The following CCND3 variants were observed in gnomAD, a reference collection of about 807,000 sequenced individuals.
The protein encoded by CCND3 is G1/S-specific cyclin-D3.
CCND3 carries 9 observed loss-of-function variants against 28.7 expected under a neutral mutation model. The ratio of observed to expected loss-of-function variants is 0.31; its 90% CI spans 0.19 to 0.55. The LOEUF is 0.55. Among genes scored for constraint, CCND3 ranks in the 20% least tolerant of loss-of-function variants. The pLI is 0.93. For synonymous variants in CCND3, 164 were observed against 163.9 expected (o/e 1.00, Z 0.00); for missense variants, 315 against 385.8 (o/e 0.82, Z 1.54).
chr6:41,976,430 TG>T (rs753966252), intron 1 of CCND3, among the ~76,000 whole-genome samples: 1 of 151,980 alleles, frequency 6.6e-6, no homozygotes, highest in Non-Finnish European at 1.5e-5. Flanking sequence ...GATAGGAGGA[TG>T]GCTTGAGCCC....
chr6:42,044,173 G>A (rs973461210), intron 1 of CCND3, among the ~76,000 whole-genome samples: 7 of 152,260 alleles, frequency 4.6e-5, no homozygotes, highest in Admixed American at 6.5e-5. Flanking sequence ...CCGCAGAGGC[G>A]GAGGCCTGCA....
At chr6:42,010,396 G>T (rs1763306959) in intron 1 of CCND3, among the ~76,000 whole-genome samples, 1 of 152,184 alleles carries the variant, frequency 6.6e-6, no homozygotes, top group African/African-American at 2.4e-5. Flanking sequence ...GGGAGGAAAT[G>T]GGATGTGGCT....
chr6:41,936,813 A>G lies in CCND3; in HGVS notation c.575-118T>C. 9.4e-7 allele frequency: 1 copy of G among 1,064,030 alleles called. No homozygotes were observed. Among genetic ancestry groups the G allele is most frequent in the Non-Finnish European group, 1.4e-6 (1 of 735,486 alleles). The allele number at this position is 1,064,030 out of a possible 1,614,324, so 65.9% of individuals were successfully genotyped here. A position where few individuals can be genotyped will look rare whatever the true frequency, so the allele number is the denominator to read the frequency against. On this transcript the variant is annotated intron_variant, in intron 3 of 4. Transcript: ENST00000372991. The surrounding 1 kb of genome is among the most constrained non-coding windows in gnomAD (Gnocchi z 4.4). ...ATGAGTAGAGCAGAGGACATGCTGG[A>G]AAACTCCAGCAGTGGGTGGGGCAAG...
At chr6:42,006,444 G>A (rs1017442552) in intron 1 of CCND3, among the ~76,000 whole-genome samples, 31 of 151,860 alleles carry the variant, frequency 2.0e-4, no homozygotes, top group Admixed American at 1.3e-3. Context: ...TCAGGAGTAG[G>A]GCAAGGATGC....
At position 42,048,335 on chromosome 6, in the gene CCND3, C is replaced by T; in HGVS notation, c.-46+166G>A. 8.9e-6 allele frequency: 3 copies of T among 337,140 alleles called. No individual in the cohort carries two copies. The highest frequency in any genetic ancestry group is 1.8e-5 in the Non-Finnish European group (3 of 170,194). 20.9% of individuals were successfully genotyped at this position (337,140 alleles called of 1,614,324 possible). A position where few individuals can be genotyped will look rare whatever the true frequency, so the allele number is the denominator to read the frequency against. ...GGTTTCTCTGCCCTTCAATTCCGTG[C>T]AGAACACCTCACTCAGTGGGAAAGT... On this transcript the variant is annotated intron_variant, in intron 1 of 4. Coordinates refer to the CCND3 transcript ENST00000372988. This position sits in a 1 kb window ranked among gnomAD's most constrained non-coding sequence, Gnocchi z 4.7.
intron 1 of CCND3, among the ~76,000 whole-genome samples, chr6:41,999,594 C>A (rs1762927069): frequency 1.3e-5 from 2 of 152,140 alleles, no homozygotes; most frequent in South Asian, 4.2e-4. Flanking sequence ...AACAAAGGTA[C>A]AAAATACATA....
chr6:41,979,799 T>C (rs1762288493), intron 1 of CCND3, among the ~76,000 whole-genome samples: 1 of 151,810 alleles, frequency 6.6e-6, no homozygotes, highest in African/African-American at 2.4e-5. Context: ...GAGAAACTTT[T>C]ATTTTTTTTG....
chr6:42,016,593 CT>C lies in CCND3; in HGVS notation c.-46+31907del, dbSNP rs377188844. Among the ~76,000 whole-genome samples, 164 of 138,552 alleles carry C rather than the reference CT, an allele frequency of 1.2e-3. 2 individuals carry two copies. In the Middle Eastern group the frequency reaches 0.023, roughly 19 times the overall value. The allele number at this position is 138,552 out of a possible 152,430, so 90.9% of individuals were successfully genotyped here. On this transcript the variant is annotated intron_variant, in intron 1 of 4. Coordinates refer to the CCND3 transcript ENST00000372988. Reference sequence around the variant, plus strand: ...TGTTAGCTGCTATTACTATCTATTACTTTTTTTTTTTTTTTTTGAGACGGAG... The same window carrying C: ...TGTTAGCTGCTATTACTATCTATTACTTTTTTTTTTTTTTTTGAGACGGAG...
Position 41,951,573 on chromosome 6 carries a change from CACAAAA to C in CCND3, c.-45-10994_-45-10989del, listed in dbSNP as rs1776317367. Among the ~76,000 whole-genome samples, 3 of 71,258 alleles carry C rather than the reference CACAAAA, an allele frequency of 4.2e-5. No homozygotes were observed. In the South Asian group the frequency reaches 1.9e-3, roughly 46 times the overall value. The allele number at this position is 71,258 out of a possible 152,430, so 46.7% of individuals were successfully genotyped here. On this transcript the variant is annotated intron_variant, in intron 1 of 4. Coordinates refer to the CCND3 transcript ENST00000372988. ...ACACACACACACACACACACACACACACAAAAAAAAAGATTAAGTGGGAGTAAGAAG... is the reference window on the plus strand; with the variant it reads ...ACACACACACACACACACACACACACAAAAAGATTAAGTGGGAGTAAGAAG...
At chr6:41,970,363 T>A (rs886962277) in intron 1 of CCND3, among the ~76,000 whole-genome samples, 1 of 151,786 alleles carries the variant, frequency 6.6e-6, no homozygotes, top group South Asian at 2.1e-4. Context: ...ATAAAATAAA[T>A]AAAATAAAAA....
chr6:41,945,739 G>T (rs1776151086), upstream of CCND3, among the ~76,000 whole-genome samples: 1 of 152,190 alleles, frequency 6.6e-6, no homozygotes, highest in Non-Finnish European at 1.5e-5. Flanking sequence ...GACTTTGAGA[G>T]AATTACTGGA....
chr6:41,987,642 ACAGGTGTGTACCACCATACT>A (rs1266579399), intron 1 of CCND3, among the ~76,000 whole-genome samples: 1 of 150,680 alleles, frequency 6.6e-6, no homozygotes, highest in Non-Finnish European at 1.5e-5. Context: ...AGCTGGGACT[ACAGGTGTGTACCACCATACT>A]CAGCTAATTT....
intron 1 of CCND3, among the ~76,000 whole-genome samples, chr6:41,959,160 C>T (rs959406980): frequency 2.0e-5 from 3 of 151,972 alleles, no homozygotes; most frequent in African/African-American, 7.3e-5. Context: ...ACTAAAAATA[C>T]GAAATTAGCT....
chr6:41,995,020 C>T (rs1461054722), intron 1 of CCND3, among the ~76,000 whole-genome samples: 1 of 151,744 alleles, frequency 6.6e-6, no homozygotes, highest in Non-Finnish European at 1.5e-5. Context: ...TGCAGTCAGC[C>T]GAGATCGTGC....
chr6:41,990,660 ATTT>A (rs67939325), intron 1 of CCND3, among the ~76,000 whole-genome samples: 5 of 121,276 alleles, frequency 4.1e-5, no homozygotes, highest in African/African-American at 6.3e-5. Context: ...TAACCAACTG[ATTT>A]TTTTTTTTTT....
intron 1 of CCND3, among the ~76,000 whole-genome samples, chr6:41,968,354 A>G (rs964735540): frequency 1.3e-5 from 2 of 152,336 alleles, no homozygotes; most frequent in East Asian, 3.9e-4. Context: ...TTTATAATCA[A>G]TCATGCTAGA....
chr6:42,040,156 G>A (rs1465157344), intron 1 of CCND3, among the ~76,000 whole-genome samples: 3 of 152,208 alleles, frequency 2.0e-5, no homozygotes, highest in African/African-American at 7.2e-5. Flanking sequence ...AGTGGCTCAC[G>A]CCTGTAATCC....
intron 1 of CCND3, among the ~76,000 whole-genome samples, chr6:42,027,255 C>T (rs928552417): frequency 1.3e-5 from 2 of 152,024 alleles, no homozygotes; most frequent in Admixed American, 6.6e-5. Context: ...CTGGCTAACA[C>T]GGTGAAACCC....
At chr6:41,948,468 T>C (rs986476236) in intron 1 of CCND3, among the ~76,000 whole-genome samples, 23 of 152,066 alleles carry the variant, frequency 1.5e-4, no homozygotes. Flanking sequence ...CCCAAGTAGC[T>C]GGGACTATAG....
Sources: gnomAD v4.1 joint callset for allele counts (sites outside exome capture counted in the v4.1 genomes callset) on GRCh38, gnomAD v4.1.1 for gene constraint, Gnocchi (gnomAD v3.1) non-coding constraint, MANE v1.5 for transcripts, NCBI Gene and HGNC (gene_info 2026-07-23, HGNC 2026-07-21) for gene names.